NECTIN2: variants seen among roughly 807,000 people sequenced by gnomAD.
NECTIN2 encodes nectin cell adhesion molecule 2, also known as nectin-2.
NECTIN2 carries 23 observed loss-of-function variants against 56.9 expected under a neutral mutation model. The observed-to-expected ratio is 0.40, with a 90% CI of 0.29 to 0.57. The LOEUF is 0.57. Ranked by LOEUF, NECTIN2 falls within the 20% of genes least tolerant of loss-of-function variation. The pLI, the probability that NECTIN2 is intolerant of heterozygous loss-of-function variation, is 0.38. For synonymous variants in NECTIN2, 302 were observed against 313.8 expected (o/e 0.96, Z 0.40); for missense variants, 587 against 718.3 (o/e 0.82, Z 2.09).
chr19:44,867,563 A>G (rs1478566379), intron 2 of NECTIN2, among the ~76,000 whole-genome samples: 1 of 152,200 alleles, frequency 6.6e-6, no homozygotes, highest in Non-Finnish European at 1.5e-5. Context: ...TCATTGAGAT[A>G]GGATGTGCAG....
intron 5 of NECTIN2, among the ~76,000 whole-genome samples, chr19:44,876,995 A>C (rs1969246926): frequency 6.6e-6 from 1 of 152,220 alleles, no homozygotes; most frequent in Non-Finnish European, 1.5e-5. Context: ...AACCTGGTCC[A>C]GTTAGTGACC....
chr19:44,848,527 G>A (rs1199834802), intron 1 of NECTIN2, among the ~76,000 whole-genome samples: 1 of 152,130 alleles, frequency 6.6e-6, no homozygotes, highest in Non-Finnish European at 1.5e-5. Context: ...CCATCCGGAA[G>A]GCTCCCAGGC....
intron 5 of NECTIN2, among the ~76,000 whole-genome samples, chr19:44,876,732 A>C (rs961168793): frequency 6.6e-6 from 1 of 152,136 alleles, no homozygotes; most frequent in African/African-American, 2.4e-5. Flanking sequence ...ATCTATCTTT[A>C]GGGAGACTCA....
At chr19:44,853,412 G>T (rs1054283540) in intron 1 of NECTIN2, among the ~76,000 whole-genome samples, 1 of 151,330 alleles carries the variant, frequency 6.6e-6, no homozygotes, top group Non-Finnish European at 1.5e-5. Context: ...AGCCAGGATG[G>T]TCTCAATCTC....
At chr19:44,859,697 C>T (rs915757435) in intron 1 of NECTIN2, among the ~76,000 whole-genome samples, 62 of 152,186 alleles carry the variant, frequency 4.1e-4, no homozygotes, top group African/African-American at 1.4e-3. Flanking sequence ...TAGTGGCTCG[C>T]ACCTGTAATC....
Position 44,863,830 on chromosome 19 carries a change from A to C in NECTIN2, c.89-1441A>C, listed in dbSNP as rs1019097216. On this transcript the variant is annotated intron_variant, in intron 1 of 8. Transcript: ENST00000252483. ...GCACCCCAGCCTGGGCAACAGAGCGAGACTCAGTCTCAAAAAAAAAAAAGA... is the reference window on the plus strand; with the variant it reads ...GCACCCCAGCCTGGGCAACAGAGCGCGACTCAGTCTCAAAAAAAAAAAAGA... Among the ~76,000 whole-genome samples, 3 of 141,652 alleles carry C rather than the reference A, an allele frequency of 2.1e-5. No homozygotes were observed. The Admixed American group carries it at 2.1e-4, about 10-fold the overall frequency. 92.9% of individuals were successfully genotyped at this position (141,652 alleles called of 152,430 possible).
chr19:44,878,160 C>T (rs928670108), intron 5 of NECTIN2: 34 of 623,842 alleles, frequency 5.5e-5, no homozygotes, highest in Middle Eastern at 3.4e-4. Context: ...CTCCCCAGAG[C>T]GATCCTCGTG....
rs57907894 is a variant in NECTIN2 at position 44,875,268 on chromosome 19, CTTT to C, written c.1042+803_1042+805del. Among the ~76,000 whole-genome samples the C allele has an allele frequency of 2.8e-5, 4 of 143,340 alleles. No homozygotes were observed. Among genetic ancestry groups the C allele is most frequent in the Non-Finnish European group, 6.1e-5 (4 of 65,198 alleles). The allele number at this position is 143,340 out of a possible 152,430, so 94.0% of individuals were successfully genotyped here. A position where few individuals can be genotyped will look rare whatever the true frequency, so the allele number is the denominator to read the frequency against. On this transcript the variant is annotated intron_variant, in intron 5 of 8. Transcript: ENST00000252483. The surrounding 1 kb of genome is among the most constrained non-coding windows in gnomAD (Gnocchi z 4.2). Reference sequence around the variant, plus strand: ...CAGATGACACCTGGAAAGGGACATTCTTTTTTTTTTTTTTTGAGATGGAGTCTC... The same window carrying C: ...CAGATGACACCTGGAAAGGGACATTCTTTTTTTTTTTTGAGATGGAGTCTC...
At chr19:44,860,699 C>T (rs867284473) in intron 1 of NECTIN2, among the ~76,000 whole-genome samples, 15 of 151,576 alleles carry the variant, frequency 9.9e-5, no homozygotes, top group South Asian at 2.1e-4. Context: ...TGCAGAGGCG[C>T]GATCTCGGCT....
chr19:44,878,565 A>ACAT, intron 5 of NECTIN2: 1 of 1,613,606 alleles, frequency 6.2e-7, no homozygotes, highest in South Asian at 1.1e-5. Flanking sequence ...CTCGAGGATG[A>ACAT]CATGGAGTCC....
At chr19:44,883,752 G>C (rs1418303412) in intron 6 of NECTIN2, among the ~76,000 whole-genome samples, 5 of 152,126 alleles carry the variant, frequency 3.3e-5, no homozygotes, top group African/African-American at 4.8e-5. Context: ...TTGAGCCCAG[G>C]AGCTCAAGTC....
Position 44,847,773 on chromosome 19 carries a change from C to T in NECTIN2, c.88+1160C>T, listed in dbSNP as rs1484491672. On this transcript the variant is annotated intron_variant, in intron 1 of 8. Coordinates refer to ENST00000252483, the MANE Select transcript of NECTIN2 (RefSeq NM_001042724.2). ...GGTTCCGGACTCCCCGGTTTCGGGA[C>T]CTTATCTATCCTCTGGTAGCGCCTT... is the stretch of plus-strand genomic sequence containing the variant. 2.0e-5 allele frequency among the ~76,000 whole-genome samples: 3 copies of T among 152,106 alleles called. No individual in the cohort carries two copies. In the East Asian group the frequency reaches 5.8e-4, roughly 29 times the overall value.
Position 44,886,230 on chromosome 19 carries a change from A to T in NECTIN2, c.1347+11A>T. ...TCATGCACTGAGCAGGTAGGAGCTC[A>T]TGGGAAGACAAAGGTGGGTTGGGGG... On this transcript the variant is annotated intron_variant, in intron 8 of 8. Coordinates refer to ENST00000252483, the MANE Select transcript of NECTIN2 (RefSeq NM_001042724.2). The T allele has an allele frequency of 1.9e-6, 3 of 1,601,698 alleles. No individual in the cohort carries two copies. The highest frequency in any genetic ancestry group is 1.1e-5 in the South Asian group (1 of 90,752).
chr19:44,886,350 A>C (rs1969361479), intron 8 of NECTIN2, 131 bp downstream of exon 8: 2 of 696,536 alleles, frequency 2.9e-6, no homozygotes, highest in Admixed American at 5.3e-5. Context: ...GTTGGTGCTT[A>C]ATGCATTGAG....
chr19:44,871,023 C>T (rs1314048028), intron 2 of NECTIN2, among the ~76,000 whole-genome samples: 1 of 152,190 alleles, frequency 6.6e-6, no homozygotes, highest in East Asian at 1.9e-4. Flanking sequence ...AGCCACTGCG[C>T]CCATCCTAAT....
chr19:44,868,371 TAGGACTCCCAGCGGGA>T (rs1171023343), intron 2 of NECTIN2, among the ~76,000 whole-genome samples: 7 of 135,946 alleles, frequency 5.1e-5, no homozygotes, highest in African/African-American at 1.9e-4. Flanking sequence ...AAAAAAAAAA[TAGGACTCCCAGCGGGA>T]AGGTGACTGA....
Position 44,868,980 on chromosome 19 carries a change from C to T in NECTIN2, c.479-2873C>T, listed in dbSNP as rs1424080199. On this transcript the variant is annotated intron_variant, in intron 2 of 8. Coordinates refer to ENST00000252483, the MANE Select transcript of NECTIN2 (RefSeq NM_001042724.2). Reference sequence around the variant, plus strand: ...TCCCTAGGCAACTTCCCAGAAGCCACGTCACTCTGGATGCCTTTTCTTCCC... The same window carrying T: ...TCCCTAGGCAACTTCCCAGAAGCCATGTCACTCTGGATGCCTTTTCTTCCC... Among the ~76,000 whole-genome samples the T allele has an allele frequency of 3.3e-5, 5 of 151,978 alleles. No individual in the cohort carries two copies. In the South Asian group the frequency reaches 6.2e-4, roughly 19 times the overall value.
At chr19:44,856,634 G>A (rs1223595218) in intron 1 of NECTIN2, among the ~76,000 whole-genome samples, 2 of 152,134 alleles carry the variant, frequency 1.3e-5, no homozygotes, top group Non-Finnish European at 2.9e-5. Context: ...GGGCCAGAGC[G>A]CTTAACCACC....
At chr19:44,847,841 G>T (rs577803689) in intron 1 of NECTIN2, among the ~76,000 whole-genome samples, 1 of 152,208 alleles carries the variant, frequency 6.6e-6, no homozygotes, top group Non-Finnish European at 1.5e-5. Context: ...TGGAGCCGCC[G>T]CCCTTATCCC....
Sources: gnomAD v4.1 joint callset for allele counts (sites outside exome capture counted in the v4.1 genomes callset) on GRCh38, gnomAD v4.1.1 for gene constraint, Gnocchi (gnomAD v3.1) non-coding constraint, MANE v1.5 for transcripts, NCBI Gene and HGNC (gene_info 2026-07-23, HGNC 2026-07-21) for gene names.